Variants in APOLD1 observed in about 807,000 individuals in gnomAD.
APOLD1 encodes apolipoprotein L domain containing 1, also known as apolipoprotein L domain-containing protein 1.
Under a neutral mutation model 15.3 loss-of-function variants are expected in APOLD1, and 22 were observed. The observed-to-expected ratio is 1.44, with a 90% CI of 1.03 to 2.05. The LOEUF (loss-of-function observed/expected upper bound fraction) is 2.05, where lower values mean the gene tolerates loss of function less well. Ranked by LOEUF, APOLD1 falls within the 30% of genes most tolerant of loss-of-function variation. The pLI is 0.00. For missense variants in APOLD1, 394 were observed against 353.5 expected, an observed-to-expected ratio of 1.11 and a Z score of -0.92; for synonymous variants, 190 against 167.4, an observed-to-expected ratio of 1.13 and a Z score of -1.04.
At chr12:12,769,833 C>A (rs997897963) in intron 1 of APOLD1, among the ~76,000 whole-genome samples, 5 of 152,146 alleles carry the variant, frequency 3.3e-5, no homozygotes, top group African/African-American at 1.2e-4. Context: ...GAGACATAGG[C>A]TCACTAAAAG....
chr12:12,785,351 C>T (rs1167293346), upstream of APOLD1, among the ~76,000 whole-genome samples: 1 of 152,094 alleles, frequency 6.6e-6, no homozygotes, highest in South Asian at 2.1e-4. Flanking sequence ...CCTTCTCTAT[C>T]GCGTCATTAG....
intron 1 of APOLD1, among the ~76,000 whole-genome samples, chr12:12,758,977 C>T (rs1432515148): frequency 6.6e-6 from 1 of 152,066 alleles, no homozygotes; most frequent in Admixed American, 6.6e-5. Context: ...ACTGTGATAT[C>T]GTCACAGCCA....
At chr12:12,765,140 C>A (rs987165342) in intron 1 of APOLD1, among the ~76,000 whole-genome samples, 1 of 152,152 alleles carries the variant, frequency 6.6e-6, no homozygotes, top group Non-Finnish European at 1.5e-5. Context: ...CAAAGACCAG[C>A]ATCTGCTTCT....
At chr12:12,781,412 G>C (rs545250573), upstream of APOLD1, among the ~76,000 whole-genome samples, 2 of 152,116 alleles carry the variant, frequency 1.3e-5, no homozygotes, top group Non-Finnish European at 2.9e-5. Context: ...TCATTGCCTA[G>C]GCAACAAGAG....
In APOLD1 at chr12:12,787,819, T is replaced by A. The variant is rs1947146254; in HGVS notation, c.*167T>A. On this transcript the variant is annotated 3_prime_UTR_variant, in exon 2 of 2. Coordinates refer to ENST00000356591, the MANE Select transcript of APOLD1 (RefSeq NM_030817.3). The surrounding 1 kb of genome is among the most constrained non-coding windows in gnomAD (Gnocchi z 4.9). Reference sequence around the variant, plus strand: ...GGTCCCCAAAGCCCTTCTTTTCCCATCACTGTGACATCTGCCTGGGCTTGA... The same window carrying A: ...GGTCCCCAAAGCCCTTCTTTTCCCAACACTGTGACATCTGCCTGGGCTTGA... 2.1e-6 allele frequency: 2 copies of A among 951,612 alleles called. No homozygotes were observed. The highest frequency in any genetic ancestry group is 1.8e-5 in the South Asian group (1 of 55,488). The allele number at this position is 951,612 out of a possible 1,614,324, so 58.9% of individuals were successfully genotyped here. A position where few individuals can be genotyped will look rare whatever the true frequency, so the allele number is the denominator to read the frequency against.
At chr12:12,728,604 G>A (rs892926253) in intron 1 of APOLD1, among the ~76,000 whole-genome samples, 3 of 144,760 alleles carry the variant, frequency 2.1e-5, no homozygotes, top group African/African-American at 7.9e-5. Context: ...GAAGGCTGAG[G>A]TTGCAGTGAG....
In APOLD1 at chr12:12,752,796, C is replaced by T. The variant is rs529796938; in HGVS notation, c.96+26700C>T. ...CTCCTTGCCCCAAAGTGGTGGATAG[C>T]AGTGACAGGAAGTTCAAAGGTAACT... On this transcript the variant is annotated intron_variant, in intron 1 of 1. Coordinates refer to the APOLD1 transcript ENST00000326765. 7.9e-5 allele frequency among the ~76,000 whole-genome samples: 12 copies of T among 152,272 alleles called. No individual in the cohort carries two copies. The South Asian group carries it at 2.5e-3, about 32-fold the overall frequency.
intron 1 of APOLD1, among the ~76,000 whole-genome samples, chr12:12,773,684 C>G (rs756078412): frequency 6.6e-6 from 1 of 152,296 alleles, no homozygotes; most frequent in Middle Eastern, 3.4e-3. Flanking sequence ...CTCTTCCCGA[C>G]TTAATACTTC....
intron 1 of APOLD1, among the ~76,000 whole-genome samples, chr12:12,739,151 G>A (rs1162150928): frequency 6.6e-6 from 1 of 152,182 alleles, no homozygotes; most frequent in African/African-American, 2.4e-5. Flanking sequence ...GATAGTAGGG[G>A]AGACTGAATG....
intron 1 of APOLD1, among the ~76,000 whole-genome samples, chr12:12,730,239 A>G (rs1308457442): frequency 4.6e-5 from 7 of 152,018 alleles, no homozygotes. Context: ...AAGTTCATCC[A>G]TGGTATGTCT....
chr12:12,787,063 T>C lies in APOLD1; in HGVS notation c.158T>C (p.Leu53Pro). 1 of 1,391,314 alleles carries C rather than the reference T, an allele frequency of 7.2e-7. No individual in the cohort carries two copies. The highest frequency in any genetic ancestry group is 9.2e-7 in the Non-Finnish European group (1 of 1,083,778). 86.2% of individuals were successfully genotyped at this position (1,391,314 alleles called of 1,614,324 possible). ...CTGGAGCGCCTGCGCAGGCGCTCCC[T>C]CGTAGCCAACGTGGCCGGCAGCTCG... ...RRLERLRRRS[L>P]VANVAGSSLS... Residue 53 changes from leucine to proline, a missense_variant, in exon 2 of 2, where the codon CTC becomes CCC. By Grantham distance (98) the Leu-to-Pro change is moderately conservative (BLOSUM62 -3). Transcript: ENST00000356591. This position sits in a 1 kb window ranked among gnomAD's most constrained non-coding sequence, Gnocchi z 4.9.
At chr12:12,727,621 A>G (rs1344359891) in intron 1 of APOLD1, among the ~76,000 whole-genome samples, 3 of 151,808 alleles carry the variant, frequency 2.0e-5, no homozygotes, top group Non-Finnish European at 4.4e-5. Context: ...TATTTTTTTT[A>G]AAAGATAGAG....
At chr12:12,727,760 CTTTTT>C (rs34995291) in intron 1 of APOLD1, among the ~76,000 whole-genome samples, 1 of 137,944 alleles carries the variant, frequency 7.2e-6, no homozygotes, top group Non-Finnish European at 1.5e-5. Flanking sequence ...GCTCTGAAAC[CTTTTT>C]TTTTTTTTTT....
intron 1 of APOLD1, among the ~76,000 whole-genome samples, chr12:12,730,075 TGTGAGA>T (rs775802626): frequency 7.8e-4 from 36 of 46,200 alleles, no homozygotes; most frequent in African/African-American, 3.3e-3. Context: ...TGTGTGTGTG[TGTGAGA>T]GAGAGAGAGA....
chr12:12,776,749 C>T (rs1467064107), intron 1 of APOLD1, among the ~76,000 whole-genome samples: 1 of 152,062 alleles, frequency 6.6e-6, no homozygotes, highest in Admixed American at 6.6e-5. Flanking sequence ...CAGCAAAAAG[C>T]AATGAAGGTT....
chr12:12,771,464 A>G (rs932635529), intron 1 of APOLD1: 1 of 472,206 alleles, frequency 2.1e-6, no homozygotes, highest in Non-Finnish European at 4.1e-6. Context: ...GCCTGGTTTC[A>G]GTGCAAAGTT....
chr12:12,747,143 G>A (rs143593288), intron 1 of APOLD1, among the ~76,000 whole-genome samples: 3 of 151,906 alleles, frequency 2.0e-5, no homozygotes, highest in East Asian at 1.9e-4. Context: ...AGACAGTCTC[G>A]CTTTGTCACC....
At chr12:12,743,253 C>T (rs533682572) in intron 1 of APOLD1, among the ~76,000 whole-genome samples, 11 of 152,084 alleles carry the variant, frequency 7.2e-5, no homozygotes, top group Admixed American at 1.3e-4. Flanking sequence ...CTTTGGAGCC[C>T]AGTATGGTGT....
intron 1 of APOLD1, among the ~76,000 whole-genome samples, chr12:12,761,468 T>C (rs904574391): frequency 6.6e-6 from 1 of 152,166 alleles, no homozygotes; most frequent in African/African-American, 2.4e-5. Flanking sequence ...CTCTACTCAG[T>C]AGGGAAAGAA....
Sources: allele counts gnomAD v4.1 joint callset (sites outside exome capture counted in the v4.1 genomes callset), GRCh38; gene constraint gnomAD v4.1.1; non-coding constraint Gnocchi (gnomAD v3.1); transcripts MANE v1.5; gene names NCBI Gene and HGNC (gene_info 2026-07-23, HGNC 2026-07-21).